The following GLRA2 variants were observed in gnomAD, a reference collection of about 807,000 sequenced individuals.
GLRA2 encodes the protein glycine receptor alpha 2, also known as glycine receptor subunit alpha-2.
In GLRA2, 11 loss-of-function variants were observed where a neutral mutation model predicts 31.6. The observed-to-expected ratio is 0.35, with a 90% CI of 0.22 to 0.58. The LOEUF (loss-of-function observed/expected upper bound fraction) is 0.58. Ranked by LOEUF, GLRA2 falls within the 20% of genes least tolerant of loss-of-function variation. The probability of loss-of-function intolerance (pLI) is 0.84; values close to 1 mark genes in which losing one functional copy is unlikely to be tolerated. For missense variants in GLRA2, 212 were observed against 351.8 expected (o/e 0.60, Z 3.18); for synonymous variants, 132 against 134.0 (o/e 0.99, Z 0.10).
At chrX:14,636,547 A>C (rs763560343) in intron 7 of GLRA2, among the ~76,000 whole-genome samples, 9 of 111,675 alleles carry the variant, frequency 8.1e-5, no homozygotes, top group Non-Finnish European at 1.5e-4. Flanking sequence ...AAGTTCATCA[A>C]AATTAAAGAA....
intron 4 of GLRA2, among the ~76,000 whole-genome samples, chrX:14,597,410 G>A (rs1395968774): frequency 8.9e-6 from 1 of 112,052 alleles, no homozygotes; most frequent in Non-Finnish European, 1.9e-5. Flanking sequence ...CCTTCAAGCT[G>A]GTTGCCTTCA....
chrX:14,552,284 G>A (rs143872885), intron 2 of GLRA2, among the ~76,000 whole-genome samples: 2,111 of 112,082 alleles, frequency 0.019, 41 homozygotes, highest in African/African-American at 0.064. Flanking sequence ...GATAATGGCC[G>A]AAGTGTAAGG....
chrX:14,729,819 T>A (rs2091970680), intron 8 of GLRA2, among the ~76,000 whole-genome samples: 1 of 111,718 alleles, frequency 9.0e-6, no homozygotes, highest in African/African-American at 3.3e-5. Flanking sequence ...AATGAATGAA[T>A]GAATGAATGA....
intron 8 of GLRA2, among the ~76,000 whole-genome samples, chrX:14,699,128 G>A (rs974982498): frequency 4.5e-5 from 5 of 112,128 alleles, no homozygotes. Context: ...AGAAGCTGAT[G>A]CCCCAGGTCT....
At chrX:14,686,568 A>T (rs1163760432) in intron 7 of GLRA2, among the ~76,000 whole-genome samples, 1 of 111,371 alleles carries the variant, frequency 9.0e-6, no homozygotes, top group Non-Finnish European at 1.9e-5. Flanking sequence ...CCATTATGTA[A>T]TGGCCTTCTT....
At chrX:14,493,765 G>GTATACATATA in the GLRA2 span, among the ~76,000 whole-genome samples, 11 of 92,944 alleles carry the variant, frequency 1.2e-4, no homozygotes, top group Non-Finnish European at 1.9e-4. Context: ...GTATACATAT[G>GTATACATATA]TATACATATA....
chrX:14,548,693 C>T (rs987792996), intron 2 of GLRA2, among the ~76,000 whole-genome samples: 2 of 111,766 alleles, frequency 1.8e-5, no homozygotes, highest in African/African-American at 6.5e-5. Context: ...AATAGAATCC[C>T]TGGCCTAAGG....
intron 2 of GLRA2, among the ~76,000 whole-genome samples, chrX:14,534,285 G>A (rs2089295479): frequency 9.3e-6 from 1 of 107,730 alleles, no homozygotes; most frequent in African/African-American, 3.4e-5. Context: ...TTATAAAAAA[G>A]AAATGGGGTG....
chrX:14,482,373 G>T, the GLRA2 span, among the ~76,000 whole-genome samples: 5 of 111,327 alleles, frequency 4.5e-5, no homozygotes, highest in Admixed American at 3.8e-4. Flanking sequence ...GCTCTAATAT[G>T]TTCATAGGAT....
At chrX:14,506,249 T>C in the GLRA2 span, among the ~76,000 whole-genome samples, 1 of 111,968 alleles carries the variant, frequency 8.9e-6, no homozygotes, top group African/African-American at 3.2e-5. Flanking sequence ...TTTATTTACT[T>C]GATCTTATGC....
At chrX:14,557,051 A>G (rs2089651552) in intron 2 of GLRA2, among the ~76,000 whole-genome samples, 2 of 110,118 alleles carry the variant, frequency 1.8e-5, no homozygotes, top group Admixed American at 1.9e-4. Flanking sequence ...AACAAACTCA[A>G]CAAACGAGTA....
At chrX:14,561,510 T>C (rs1473629696) in intron 2 of GLRA2, among the ~76,000 whole-genome samples, 3 of 112,345 alleles carry the variant, frequency 2.7e-5, no homozygotes, top group Non-Finnish European at 3.8e-5. Flanking sequence ...AAAAGCAGAA[T>C]TGAGTAGTTA....
the GLRA2 span, among the ~76,000 whole-genome samples, chrX:14,459,889 C>A: frequency 4.5e-5 from 5 of 112,016 alleles, no homozygotes; most frequent in African/African-American, 1.6e-4. Context: ...ACTGCCCTAG[C>A]AAGAACGTCC....
At chrX:14,711,957 A>G (rs948649740) in intron 8 of GLRA2, among the ~76,000 whole-genome samples, 1 of 112,817 alleles carries the variant, frequency 8.9e-6, no homozygotes, top group African/African-American at 3.2e-5. Flanking sequence ...CCTTTGTAAC[A>G]AATCTTCCGC....
chrX:14,731,032 C>T lies in GLRA2; in HGVS notation c.*547C>T, dbSNP rs1295718255. 1 of 111,519 alleles carries T rather than the reference C, an allele frequency of 9.0e-6. No individual in the cohort carries two copies. Among genetic ancestry groups the T allele is most frequent in the Non-Finnish European group, 1.9e-5 (1 of 53,379 alleles). The allele number at this position is 111,519 out of a possible 1,213,427, so 9.2% of individuals were successfully genotyped here. A position where few individuals can be genotyped will look rare whatever the true frequency, so the allele number is the denominator to read the frequency against. On this transcript the variant is annotated 3_prime_UTR_variant, in exon 9 of 9. Coordinates refer to ENST00000218075, the MANE Select transcript of GLRA2 (RefSeq NM_002063.4). Reference sequence around the variant, plus strand: ...ACCAAACTTTTTCAGGAAAATGCTGCCTCGTTTTTAAAACAAGCCTCCTAA... The same window carrying T: ...ACCAAACTTTTTCAGGAAAATGCTGTCTCGTTTTTAAAACAAGCCTCCTAA...
At chrX:14,593,689 C>T (rs1184724652) in intron 4 of GLRA2, among the ~76,000 whole-genome samples, 2 of 95,866 alleles carry the variant, frequency 2.1e-5, no homozygotes, top group African/African-American at 4.6e-5. Context: ...TCCAGATTCA[C>T]AATAAATGTT....
At chrX:14,636,945 T>A (rs1225717027) in intron 7 of GLRA2, among the ~76,000 whole-genome samples, 2 of 111,957 alleles carry the variant, frequency 1.8e-5, no homozygotes, top group Admixed American at 1.9e-4. Context: ...GAATCCTCTT[T>A]CTCTGTCTCT....
chrX:14,533,258 A>G (rs936941770), intron 2 of GLRA2, among the ~76,000 whole-genome samples: 1 of 110,273 alleles, frequency 9.1e-6, no homozygotes, highest in Non-Finnish European at 1.9e-5. Flanking sequence ...AATGTTCTGG[A>G]TATTATGTAG....
intron 2 of GLRA2, among the ~76,000 whole-genome samples, chrX:14,569,303 T>G (rs1018494466): frequency 2.7e-5 from 3 of 111,531 alleles, no homozygotes; most frequent in Non-Finnish European, 5.7e-5. Context: ...CCTAAAAACT[T>G]TTATGCATCA....
Sources: gnomAD v4.1 joint callset for allele counts (sites outside exome capture counted in the v4.1 genomes callset) on GRCh38, gnomAD v4.1.1 for gene constraint, MANE v1.5 for transcripts, NCBI Gene and HGNC (gene_info 2026-07-23, HGNC 2026-07-21) for gene names.